Variants in PDE3B observed in about 807,000 individuals in gnomAD.
PDE3B encodes the protein cGMP-inhibited 3',5'-cyclic phosphodiesterase 3B.
A neutral mutation model predicts 116.8 loss-of-function variants in PDE3B; 66 were observed. The observed-to-expected ratio is 0.56, with a 90% CI of 0.46 to 0.69. PDE3B has a LOEUF of 0.69. Ranked by LOEUF, PDE3B falls within the 30% of genes least tolerant of loss-of-function variation. PDE3B has a pLI of 0.00. For missense variants in PDE3B, 1,384 were observed against 1,368.1 expected (o/e 1.01, Z -0.18); for synonymous variants, 595 against 533.6 (o/e 1.12, Z -1.59).
In PDE3B at chr11:14,855,395, A is replaced by C. The variant is rs564334202; in HGVS notation, c.2521-3648A>C. 2.6e-5 allele frequency among the ~76,000 whole-genome samples: 4 copies of C among 152,338 alleles called. No individual in the cohort carries two copies. In the South Asian group the frequency reaches 6.2e-4, roughly 24 times the overall value. ...GAAGATGAAAACAATACATCTATAA[A>C]AGAACAAAAATTCAACTGTCATTGT... On this transcript the variant is annotated intron_variant, in intron 12 of 15. Coordinates refer to ENST00000282096, the MANE Select transcript of PDE3B (RefSeq NM_000922.4).
At chr11:14,804,192 G>C in intron 5 of PDE3B, 142 bp downstream of exon 5, 1 of 579,620 alleles carries the variant, frequency 1.7e-6, no homozygotes, top group African/African-American at 1.9e-5. Flanking sequence ...GTTTGGGTTG[G>C]CTACTAATTG....
At chr11:14,896,081 CA>C in the PDE3B span, among the ~76,000 whole-genome samples, 1 of 152,160 alleles carries the variant, frequency 6.6e-6, no homozygotes, top group Non-Finnish European at 1.5e-5. Flanking sequence ...TTATTCCTGC[CA>C]TTTCCTAGGG....
intron 1 of PDE3B, among the ~76,000 whole-genome samples, chr11:14,657,174 G>T (rs1853738174): frequency 6.6e-6 from 1 of 152,130 alleles, no homozygotes; most frequent in Admixed American, 6.5e-5. Context: ...TCACTTTGGA[G>T]TTGGGAGTAC....
At chr11:14,754,821 T>C (rs1298377135) in intron 1 of PDE3B, among the ~76,000 whole-genome samples, 1 of 152,190 alleles carries the variant, frequency 6.6e-6, no homozygotes, top group Non-Finnish European at 1.5e-5. Context: ...GCCATTATCT[T>C]TTGTGTCTGC....
intron 10 of PDE3B, among the ~76,000 whole-genome samples, 162 bp from the exon 11 acceptor site, chr11:14,834,820 A>AT (rs113157599): frequency 1.3e-5 from 2 of 152,150 alleles, no homozygotes; most frequent in East Asian, 1.9e-4. Flanking sequence ...TTTAAAAGAT[A>AT]TTTTTTTTAA....
chr11:14,724,503 C>T (rs1856225031), intron 1 of PDE3B, among the ~76,000 whole-genome samples: 2 of 152,114 alleles, frequency 1.3e-5, no homozygotes, highest in Non-Finnish European at 2.9e-5. Flanking sequence ...GAAGGTCATG[C>T]TCAAAGGAAA....
At chr11:14,684,602 TG>T (rs1424390760) in intron 1 of PDE3B, among the ~76,000 whole-genome samples, 1 of 152,082 alleles carries the variant, frequency 6.6e-6, no homozygotes, top group Non-Finnish European at 1.5e-5. Context: ...TTCACCAGGG[TG>T]GGGTTTTTCC....
rs562262239 is a variant in PDE3B, at chr11:14,724,182, C to T, written c.979-47755C>T. Among the ~76,000 whole-genome samples, 106 of 152,186 alleles carry T rather than the reference C, an allele frequency of 7.0e-4. 1 individual carries two copies. The highest frequency in any genetic ancestry group is 4.2e-3 in the Admixed American group (64 of 15,276). ...AAAGATGGTTACAGGATAAAATCAA[C>T]AGGACTTGGTGAGAAAATTGATTAC... is the stretch of plus-strand genomic sequence containing the variant. On this transcript the variant is annotated intron_variant, in intron 1 of 15. Coordinates refer to ENST00000282096, the MANE Select transcript of PDE3B (RefSeq NM_000922.4).
rs189482353 is a variant in PDE3B at position 14,650,319 on chromosome 11, T to C, written c.978+5266T>C. ...TGCAGGCTCAAGTAATCCTCCCACC[T>C]CAGCCTCCTGACTAGGTGGGACTGC... On this transcript the variant is annotated intron_variant, in intron 1 of 15. Coordinates refer to ENST00000282096, the MANE Select transcript of PDE3B (RefSeq NM_000922.4). Among the ~76,000 whole-genome samples the C allele has an allele frequency of 3.2e-3, 482 of 151,162 alleles. 10 individuals carry two copies. The highest frequency in any genetic ancestry group is 0.028 in the Admixed American group (421 of 15,146).
Position 14,644,661 on chromosome 11 carries a change from A to T in PDE3B, c.586A>T (p.Arg196Trp). 6.7e-7 allele frequency: 1 copy of T among 1,498,958 alleles called. No homozygotes were observed. Among genetic ancestry groups the T allele is most frequent in the Non-Finnish European group, 8.9e-7 (1 of 1,127,956 alleles). 92.9% of individuals were successfully genotyped at this position (1,498,958 alleles called of 1,614,324 possible). A position where few individuals can be genotyped will look rare whatever the true frequency, so the allele number is the denominator to read the frequency against. Residue 196 changes from arginine (R) to tryptophan (W), a missense_variant, in exon 1 of 16, where the codon AGG becomes TGG. This residue lies in a region of PDE3B where 956 missense variants were observed against 806.8 expected (regional missense o/e 1.18). Coordinates refer to ENST00000282096, the MANE Select transcript of PDE3B (RefSeq NM_000922.4). ...PHTPPEAAAG[R>W]LLLVLSCVGL... ...CACGCCCCCGGAGGCGGCAGCGGGC[A>T]GGTTGCTGCTGGTGCTGAGCTGCGT...
chr11:14,661,282 A>G (rs536249126), intron 1 of PDE3B, among the ~76,000 whole-genome samples: 2 of 152,366 alleles, frequency 1.3e-5, no homozygotes, highest in South Asian at 2.1e-4. Context: ...ATGTCCAACA[A>G]TGATAGACTG....
intron 11 of PDE3B, among the ~76,000 whole-genome samples, chr11:14,840,292 A>G (rs1176476643): frequency 6.6e-6 from 1 of 152,188 alleles, no homozygotes; most frequent in Admixed American, 6.5e-5. Context: ...TTTCTGTAAA[A>G]GCAGCTAAAT....
At chr11:14,778,454 C>A (rs1196935418) in intron 2 of PDE3B, among the ~76,000 whole-genome samples, 4 of 152,172 alleles carry the variant, frequency 2.6e-5, no homozygotes, top group African/African-American at 9.6e-5. Context: ...CCGGGCGCCC[C>A]TCTGAGACGA....
chr11:14,862,713 A>G (rs1847972763), intron 14 of PDE3B, among the ~76,000 whole-genome samples: 1 of 152,130 alleles, frequency 6.6e-6, no homozygotes, highest in South Asian at 2.1e-4. Context: ...AGCTGGGATT[A>G]CAGGTGCACG....
chr11:14,712,481 T>G (rs1233090653), intron 1 of PDE3B, among the ~76,000 whole-genome samples: 5 of 141,410 alleles, frequency 3.5e-5, no homozygotes, highest in African/African-American at 1.1e-4. Context: ...TTTTTTTTTT[T>G]TTTTTTTTTT....
intron 12 of PDE3B, among the ~76,000 whole-genome samples, chr11:14,857,279 C>T (rs1471881285): frequency 3.3e-5 from 5 of 152,192 alleles, no homozygotes; most frequent in African/African-American, 1.2e-4. Flanking sequence ...TCTTTTTTCT[C>T]TGCTTCTAAG....
chr11:14,735,958 TTGTGTGTGTGTGTGTG>T (rs59099319), intron 1 of PDE3B, among the ~76,000 whole-genome samples: 7 of 143,026 alleles, frequency 4.9e-5, no homozygotes, highest in African/African-American at 1.8e-4. Flanking sequence ...GAATAATAGG[TTGTGTGTGTGTGTGTG>T]TGTGTGTGTG....
At chr11:14,750,557 A>G (rs1259018551) in intron 1 of PDE3B, among the ~76,000 whole-genome samples, 1 of 151,946 alleles carries the variant, frequency 6.6e-6, no homozygotes, top group Non-Finnish European at 1.5e-5. Flanking sequence ...ATAAGAACAT[A>G]TATTATTGAA....
At chr11:14,830,641 G>A in intron 7 of PDE3B, 57 bp from the exon 8 acceptor site, 3 of 697,056 alleles carry the variant, frequency 4.3e-6, no homozygotes, top group Non-Finnish European at 6.7e-6. Context: ...TTCATGTAAA[G>A]CTGTACATAT....
Sources: allele counts gnomAD v4.1 joint callset (sites outside exome capture counted in the v4.1 genomes callset), GRCh38; gene constraint gnomAD v4.1.1; regional missense constraint gnomAD v4.1.1; transcripts MANE v1.5; gene names NCBI Gene and HGNC (gene_info 2026-07-23, HGNC 2026-07-21).